The following AHCYL2 variants were observed in gnomAD, a reference collection of about 807,000 sequenced individuals.
The protein encoded by AHCYL2 is adenosylhomocysteinase like 2.
A neutral mutation model predicts 81.4 loss-of-function variants in AHCYL2; 28 were observed. The ratio of observed to expected loss-of-function variants is 0.34; its 90% CI spans 0.25 to 0.47. AHCYL2 has a LOEUF of 0.47. AHCYL2 is among the 20% of genes least tolerant of loss of function. The pLI, the probability that AHCYL2 is intolerant of heterozygous loss-of-function variation, is 1.00. For synonymous variants in AHCYL2, 272 were observed against 290.2 expected, an observed-to-expected ratio of 0.94 and a Z score of 0.64; for missense variants, 551 against 785.1, an observed-to-expected ratio of 0.70 and a Z score of 3.56.
chr7:129,337,975 C>T (rs894212954), intron 1 of AHCYL2, among the ~76,000 whole-genome samples: 3 of 152,108 alleles, frequency 2.0e-5, no homozygotes, highest in Non-Finnish European at 4.4e-5. Flanking sequence ...AACTCCCGAC[C>T]TCAGGTGATC....
chr7:129,313,166 ATGAATGAGAGGTCTGG>A (rs1475530858), intron 1 of AHCYL2, among the ~76,000 whole-genome samples: 2 of 152,238 alleles, frequency 1.3e-5, no homozygotes, highest in Non-Finnish European at 2.9e-5. Context: ...AGTGAAATGA[ATGAATGAGAGGTCTGG>A]TGAATGGATA....
intron 1 of AHCYL2, among the ~76,000 whole-genome samples, chr7:129,370,792 A>T (rs1218631786): frequency 6.6e-6 from 1 of 152,256 alleles, no homozygotes; most frequent in South Asian, 2.1e-4. Flanking sequence ...TTTCTCAGCC[A>T]TTCTCTCTTA....
chr7:129,246,143 CT>C (rs1043188326), intron 1 of AHCYL2, among the ~76,000 whole-genome samples: 4 of 151,752 alleles, frequency 2.6e-5, no homozygotes, highest in African/African-American at 9.7e-5. Flanking sequence ...ACTGCAACCT[CT>C]GCCTCCCGGG....
chr7:129,385,144 T>C (rs751738897), intron 2 of AHCYL2, among the ~76,000 whole-genome samples: 2 of 152,260 alleles, frequency 1.3e-5, no homozygotes, highest in East Asian at 3.8e-4. Flanking sequence ...ACAATTCTTA[T>C]AAAGTTTGAG....
intron 4 of AHCYL2, among the ~76,000 whole-genome samples, chr7:129,395,409 CTATCTG>C (rs1384513269): frequency 6.6e-6 from 1 of 152,164 alleles, no homozygotes; most frequent in Non-Finnish European, 1.5e-5. Flanking sequence ...CCTGCCTCTC[CTATCTG>C]TAGCAGCCAA....
chr7:129,394,873 C>A (rs971707543), intron 4 of AHCYL2, among the ~76,000 whole-genome samples: 3 of 152,090 alleles, frequency 2.0e-5, no homozygotes, highest in Non-Finnish European at 2.9e-5. Context: ...ATAGCAAGAT[C>A]CTGTGTATAA....
In AHCYL2 at chr7:129,390,600, C is replaced by G. The variant is rs144050881; in HGVS notation, c.720+866C>G. On this transcript the variant is annotated intron_variant, in intron 4 of 16. Transcript: ENST00000325006. ...ATGCAGGATCTCAGGGCTCCAGCTT[C>G]ACCTCTCTGATTCTCTTGGAGCTGC... Among the ~76,000 whole-genome samples, 1,192 of 152,326 alleles carry G rather than the reference C, an allele frequency of 7.8e-3. 22 individuals carry two copies. Among genetic ancestry groups the G allele is most frequent in the African/African-American group, 0.027 (1,136 of 41,562 alleles).
intron 1 of AHCYL2, among the ~76,000 whole-genome samples, chr7:129,357,250 CAGTTT>C (rs1415481913): frequency 6.6e-6 from 1 of 152,082 alleles, no homozygotes; most frequent in Non-Finnish European, 1.5e-5. Flanking sequence ...CTAAAGCCTG[CAGTTT>C]AGTTAATAGT....
intron 1 of AHCYL2, among the ~76,000 whole-genome samples, chr7:129,236,210 T>A (rs1437254951): frequency 6.7e-6 from 1 of 149,666 alleles, no homozygotes; most frequent in South Asian, 2.1e-4. Flanking sequence ...TAATTTTAAT[T>A]TTTTTTTTTT....
At chr7:129,409,211 T>G (rs1325757078) in intron 10 of AHCYL2, among the ~76,000 whole-genome samples, 1 of 152,256 alleles carries the variant, frequency 6.6e-6, no homozygotes, top group African/African-American at 2.4e-5. Flanking sequence ...TAAGTGGCAC[T>G]TTCTACAGTT....
chr7:129,229,308 C>T (rs1019322968), intron 1 of AHCYL2, among the ~76,000 whole-genome samples: 1 of 152,178 alleles, frequency 6.6e-6, no homozygotes, highest in East Asian at 1.9e-4. Context: ...CTCAGGTGAC[C>T]TGCCTGCCTC....
At chr7:129,385,963 C>T (rs1027333620) in intron 2 of AHCYL2, among the ~76,000 whole-genome samples, 12 of 152,104 alleles carry the variant, frequency 7.9e-5, no homozygotes, top group African/African-American at 1.7e-4. Flanking sequence ...GAAATGAGTA[C>T]GGATTCAAAG....
rs1797516188 is a variant in AHCYL2, at chr7:129,430,006, A to G, written c.*2961A>G. Reference sequence around the variant, plus strand: ...AGCAAATTATATGTGGACAGGTTCTAAACTCTATATATACATATATATATA... The same window carrying G: ...AGCAAATTATATGTGGACAGGTTCTGAACTCTATATATACATATATATATA... On this transcript the variant is annotated 3_prime_UTR_variant, in exon 17 of 17. Coordinates refer to ENST00000325006, the MANE Select transcript of AHCYL2 (RefSeq NM_015328.4). 1 of 150,724 alleles carries G rather than the reference A, an allele frequency of 6.6e-6. No homozygotes were observed. The highest frequency in any genetic ancestry group is 2.4e-5 in the African/African-American group (1 of 40,882). 9.3% of individuals were successfully genotyped at this position (150,724 alleles called of 1,614,324 possible).
chr7:129,260,578 T>C (rs1795590281), intron 1 of AHCYL2, among the ~76,000 whole-genome samples: 1 of 152,192 alleles, frequency 6.6e-6, no homozygotes, highest in Non-Finnish European at 1.5e-5. Flanking sequence ...CAAATTATAA[T>C]TCTCAGGGTG....
intron 8 of AHCYL2, 131 bp downstream of exon 8, chr7:129,405,344 C>T: frequency 2.0e-6 from 1 of 508,570 alleles, no homozygotes; most frequent in Non-Finnish European, 3.5e-6. Context: ...AGAGCTTTGT[C>T]ACCTCATAAA....
chr7:129,344,048 G>T (rs188506121), intron 1 of AHCYL2, among the ~76,000 whole-genome samples: 2 of 152,088 alleles, frequency 1.3e-5, no homozygotes, highest in Non-Finnish European at 2.9e-5. Flanking sequence ...TCAACACCAC[G>T]AGAGAAGTGC....
intron 1 of AHCYL2, among the ~76,000 whole-genome samples, chr7:129,343,060 T>TC (rs1793241451): frequency 6.6e-6 from 1 of 152,226 alleles, no homozygotes; most frequent in African/African-American, 2.4e-5. Context: ...TGTTTGTCTA[T>TC]CCAATTTTCT....
chr7:129,344,733 G>T (rs1470868137), intron 1 of AHCYL2, among the ~76,000 whole-genome samples: 1 of 152,222 alleles, frequency 6.6e-6, no homozygotes, highest in Non-Finnish European at 1.5e-5. Flanking sequence ...GAACAAAGGA[G>T]TGAGTGGTGG....
intron 1 of AHCYL2, among the ~76,000 whole-genome samples, chr7:129,245,290 G>T (rs540294587): frequency 6.6e-6 from 1 of 152,264 alleles, no homozygotes; most frequent in African/African-American, 2.4e-5. Context: ...CTCCCAAAGT[G>T]CTGGGATTAC....
Sources: gnomAD v4.1 joint callset for allele counts (sites outside exome capture counted in the v4.1 genomes callset) on GRCh38, gnomAD v4.1.1 for gene constraint, MANE v1.5 for transcripts, NCBI Gene and HGNC (gene_info 2026-07-23, HGNC 2026-07-21) for gene names.